The following ADGRG7 variants were observed in gnomAD, a reference collection of about 807,000 sequenced individuals.
ADGRG7 encodes adhesion G protein-coupled receptor G7.
ADGRG7 carries 82 observed loss-of-function variants against 88.6 expected under a neutral mutation model. That is an observed-to-expected ratio of 0.93 (90% confidence interval 0.77 to 1.11). The LOEUF is 1.11. ADGRG7 is among the 50% of genes most tolerant of loss of function. The pLI is 0.00. For missense variants in ADGRG7, 945 were observed against 953.4 expected (o/e 0.99, Z 0.12); for synonymous variants, 381 against 345.2 (o/e 1.10, Z -1.15).
chr3:100,659,023 A>G (rs1442756022), intron 13 of ADGRG7, among the ~76,000 whole-genome samples: 2 of 152,176 alleles, frequency 1.3e-5, no homozygotes, highest in African/African-American at 2.4e-5. Flanking sequence ...CGCCACTACA[A>G]CCACCACCAC....
intron 1 of ADGRG7, among the ~76,000 whole-genome samples, chr3:100,621,043 T>G (rs1707304923): frequency 6.6e-6 from 1 of 152,156 alleles, no homozygotes; most frequent in South Asian, 2.1e-4. Flanking sequence ...CAATTGTTTT[T>G]GGGTGCCGTG....
chr3:100,639,308 AC>A (rs1253058467), intron 6 of ADGRG7, among the ~76,000 whole-genome samples: 1 of 152,130 alleles, frequency 6.6e-6, no homozygotes, highest in Non-Finnish European at 1.5e-5. Flanking sequence ...TATTTACACG[AC>A]CCATTATTTC....
chr3:100,665,093 A>C (rs1304395028), intron 14 of ADGRG7: 1 of 508,400 alleles, frequency 2.0e-6, no homozygotes. Context: ...TTCTTCAGTC[A>C]GTTCTTCCGT....
chr3:100,630,910 GA>G, intron 3 of ADGRG7, 101 bp downstream of exon 3: 1 of 527,088 alleles, frequency 1.9e-6, no homozygotes, highest in South Asian at 5.7e-5. Flanking sequence ...AGGGCATCAG[GA>G]AAGGTTTTGT....
chr3:100,631,637 C>T (rs534109778), intron 3 of ADGRG7, among the ~76,000 whole-genome samples: 1 of 152,214 alleles, frequency 6.6e-6, no homozygotes, highest in Admixed American at 6.5e-5. Context: ...AGATCATTGA[C>T]AAAGATGTTT....
intron 15 of ADGRG7, among the ~76,000 whole-genome samples, chr3:100,693,839 A>C (rs1182871642): frequency 6.6e-6 from 1 of 152,234 alleles, no homozygotes; most frequent in East Asian, 1.9e-4. Flanking sequence ...ATGCTATTTC[A>C]TCTGTCATTT....
Position 100,645,265 on chromosome 3 carries a change from C to T in ADGRG7, c.947-680C>T, listed in dbSNP as rs148105498. On this transcript the variant is annotated intron_variant, in intron 8 of 15. Transcript: ENST00000273352. ...CTGGGTGCCAAACCCTCCACAGCAG[C>T]GATGGTCTTTCAGGATCTTTGATGA... Among the ~76,000 whole-genome samples, 155 of 152,356 alleles carry T rather than the reference C, an allele frequency of 1.0e-3. 1 individual carries two copies. The highest frequency in any genetic ancestry group is 3.2e-3 in the African/African-American group (135 of 41,588).
chr3:100,631,931 T>C (rs540040227), intron 3 of ADGRG7, among the ~76,000 whole-genome samples: 9 of 152,276 alleles, frequency 5.9e-5, no homozygotes, highest in East Asian at 3.9e-4. Context: ...CAAGTATTCA[T>C]GATGCTACTC....
At chr3:100,659,113 C>G (rs1322861402) in intron 13 of ADGRG7, among the ~76,000 whole-genome samples, 1 of 152,118 alleles carries the variant, frequency 6.6e-6, no homozygotes, top group Non-Finnish European at 1.5e-5. Flanking sequence ...CTTTTTCAAA[C>G]TCTTTTTAAA....
chr3:100,617,729 C>G (rs575564719), intron 1 of ADGRG7, among the ~76,000 whole-genome samples: 1 of 152,070 alleles, frequency 6.6e-6, no homozygotes, highest in Non-Finnish European at 1.5e-5. Context: ...GGTATATACC[C>G]AGTAATGGGA....
chr3:100,637,991 C>T (rs1707574791), intron 6 of ADGRG7, among the ~76,000 whole-genome samples: 1 of 152,200 alleles, frequency 6.6e-6, no homozygotes, highest in Admixed American at 6.5e-5. Context: ...CAGGAGCGAA[C>T]TCTGTGCAGG....
chr3:100,641,157 C>G (rs1473193909), intron 6 of ADGRG7, among the ~76,000 whole-genome samples: 3 of 152,126 alleles, frequency 2.0e-5, no homozygotes, highest in Admixed American at 2.0e-4. Flanking sequence ...AGAGTTCGTT[C>G]AAGTGCAAAG....
chr3:100,649,753 G>A lies in ADGRG7; in HGVS notation c.1325G>A (p.Cys442Tyr). The A allele has an allele frequency of 3.1e-6, 5 of 1,611,810 alleles. No individual in the cohort carries two copies. The highest frequency in any genetic ancestry group is 4.2e-6 in the Non-Finnish European group (5 of 1,178,284). ...CTTGACATATTATCCAACGTTGGAT[G>A]TGCACTGTCTGTTACTGGTCTGGCT... The part of the protein sequence containing the change: ...KSLDILSNVG[C>Y]ALSVTGLALT... The change falls in exon 11 of 16, where the codon TGT becomes TAT. Residue 442 changes from cysteine (C) to tyrosine (Y), a missense_variant. Coordinates refer to ENST00000273352, the MANE Select transcript of ADGRG7 (RefSeq NM_032787.3).
At chr3:100,625,839 T>C (rs183527381) in intron 1 of ADGRG7, among the ~76,000 whole-genome samples, 2 of 152,352 alleles carry the variant, frequency 1.3e-5, no homozygotes, top group East Asian at 3.9e-4. Context: ...ATTTATTGAT[T>C]TGCATATGTT....
At chr3:100,690,886 C>T (rs1192973559) in intron 15 of ADGRG7, among the ~76,000 whole-genome samples, 1 of 152,230 alleles carries the variant, frequency 6.6e-6, no homozygotes, top group African/African-American at 2.4e-5. Context: ...CCACTACTCT[C>T]TTCAAAGCTG....
intron 15 of ADGRG7, among the ~76,000 whole-genome samples, chr3:100,691,263 A>G (rs2094993273): frequency 6.6e-6 from 1 of 151,958 alleles, no homozygotes; most frequent in African/African-American, 2.4e-5. Flanking sequence ...GCCGTCTGTC[A>G]CCCCTTTCTT....
intron 6 of ADGRG7, 134 bp from the exon 7 acceptor site, chr3:100,643,132 C>T (rs1195191690): frequency 1.3e-6 from 1 of 784,762 alleles, no homozygotes; most frequent in African/African-American, 1.7e-5. Context: ...ACCAATTATT[C>T]TTAGGCAATT....
At chr3:100,668,612 A>G (rs2094954535) in intron 14 of ADGRG7, among the ~76,000 whole-genome samples, 1 of 152,202 alleles carries the variant, frequency 6.6e-6, no homozygotes, top group Non-Finnish European at 1.5e-5. Flanking sequence ...AAAAAAGGGG[A>G]TTCCTCCATT....
Position 100,694,923 on chromosome 3 carries a change from C to G in ADGRG7, c.2316C>G (p.Arg772=). The change falls in exon 16 of 16, where the codon CGC becomes CGG. Residue 772 remains arginine (R), a synonymous_variant. Transcript: ENST00000273352. ...GGTCATTGCCAACCTTACATGAACG[C>G]TTTAGGCTACTGGAAACCTCTCCGA... ...FLRSLPTLHE[R]FRLLETSPST... 1.2e-6 allele frequency: 2 copies of G among 1,614,136 alleles called. No homozygotes were observed. The highest frequency in any genetic ancestry group is 1.7e-6 in the Non-Finnish European group (2 of 1,179,990).
Sources: allele counts gnomAD v4.1 joint callset (sites outside exome capture counted in the v4.1 genomes callset), GRCh38; gene constraint gnomAD v4.1.1; transcripts MANE v1.5; gene names NCBI Gene and HGNC (gene_info 2026-07-23, HGNC 2026-07-21).